Variants in FGF14 observed in about 807,000 individuals in gnomAD.
FGF14 encodes the protein fibroblast growth factor homologous factor 4.
In FGF14, 5 loss-of-function variants were observed where a neutral mutation model predicts 25.5. The ratio of observed to expected loss-of-function variants is 0.20; its 90% CI spans 0.10 to 0.41. FGF14 has a LOEUF of 0.41. Among genes scored for constraint, FGF14 ranks in the 10% least tolerant of loss-of-function variants. The pLI is 1.00. For synonymous variants in FGF14, 138 were observed against 118.3 expected, an observed-to-expected ratio of 1.17 and a Z score of -1.08; for missense variants, 222 against 320.1, an observed-to-expected ratio of 0.69 and a Z score of 2.34.
chr13:102,388,751 C>T (rs746112502), intron 1 of FGF14, among the ~76,000 whole-genome samples: 15 of 152,190 alleles, frequency 9.9e-5, no homozygotes, highest in Non-Finnish European at 1.9e-4. Flanking sequence ...CCTCCTTCCT[C>T]CTAGTACTGC....
chr13:102,045,670 A>G (rs974189946), intron 1 of FGF14, among the ~76,000 whole-genome samples: 11 of 152,196 alleles, frequency 7.2e-5, no homozygotes, highest in African/African-American at 2.7e-4. Flanking sequence ...GTTCATAATC[A>G]TATTTGATCC....
intron 1 of FGF14, among the ~76,000 whole-genome samples, chr13:101,922,353 CA>C (rs895286609): frequency 6.6e-6 from 1 of 152,148 alleles, no homozygotes; most frequent in African/African-American, 2.4e-5. Flanking sequence ...CTCAACCAAA[CA>C]TGACAAACAG....
intron 3 of FGF14, among the ~76,000 whole-genome samples, chr13:101,741,329 C>T (rs1022093570): frequency 5.3e-5 from 8 of 152,118 alleles, no homozygotes; most frequent in Non-Finnish European, 1.0e-4. Context: ...GGGCAAGACT[C>T]CATCTCAGAA....
intron 1 of FGF14, among the ~76,000 whole-genome samples, chr13:102,333,237 G>A (rs1372033336): frequency 2.0e-5 from 3 of 152,102 alleles, no homozygotes; most frequent in African/African-American, 7.2e-5. Flanking sequence ...ACCCAACGTG[G>A]CTCTCACATA....
chr13:102,152,231 G>T (rs1173327575), intron 1 of FGF14, among the ~76,000 whole-genome samples: 1 of 152,112 alleles, frequency 6.6e-6, no homozygotes, highest in Non-Finnish European at 1.5e-5. Context: ...TTTAAGACTT[G>T]GTAAAGCTCC....
At chr13:101,805,178 G>A (rs1475076538) in intron 3 of FGF14, among the ~76,000 whole-genome samples, 1 of 152,134 alleles carries the variant, frequency 6.6e-6, no homozygotes, top group Non-Finnish European at 1.5e-5. Flanking sequence ...TTTGAAGCCT[G>A]ATAGGGTTGA....
chr13:102,276,098 A>G (rs1391601678), intron 1 of FGF14, among the ~76,000 whole-genome samples: 1 of 151,836 alleles, frequency 6.6e-6, no homozygotes, highest in African/African-American at 2.4e-5. Context: ...AAATGTTTTC[A>G]GCAAATTGTT....
upstream of FGF14, among the ~76,000 whole-genome samples, chr13:101,921,935 A>G (rs1396642117): frequency 2.0e-5 from 3 of 152,198 alleles, no homozygotes; most frequent in African/African-American, 7.2e-5. Flanking sequence ...ATGGTTCTAC[A>G]TAGCACGTAC....
chr13:101,816,150 G>A (rs964032174), intron 3 of FGF14, among the ~76,000 whole-genome samples: 1 of 151,104 alleles, frequency 6.6e-6, no homozygotes, highest in African/African-American at 2.4e-5. Flanking sequence ...GGCGCCTGTA[G>A]TCCCAGCTAC....
chr13:102,316,152 C>A lies in FGF14; in HGVS notation c.208+85319G>T, dbSNP rs369116572. Among the ~76,000 whole-genome samples, 253 of 152,306 alleles carry A rather than the reference C, an allele frequency of 1.7e-3. 2 individuals carry two copies. Among genetic ancestry groups the A allele is most frequent in the African/African-American group, 5.6e-3 (233 of 41,560 alleles). ...CAGACTGCAAAATAACAGAAATTAA[C>A]AGAAGGATAAGCTTTGTGACTGGAG... is the stretch of plus-strand genomic sequence containing the variant. On this transcript the variant is annotated intron_variant, in intron 1 of 4. Coordinates refer to the FGF14 transcript ENST00000376131.
intron 1 of FGF14, among the ~76,000 whole-genome samples, chr13:102,340,547 A>G (rs1566947926): frequency 6.6e-6 from 1 of 152,108 alleles, no homozygotes; most frequent in Non-Finnish European, 1.5e-5. Flanking sequence ...ACATCCCAAA[A>G]TATCTTTTAC....
At chr13:102,123,043 G>T (rs557415473) in intron 1 of FGF14, among the ~76,000 whole-genome samples, 36 of 152,274 alleles carry the variant, frequency 2.4e-4, no homozygotes, top group Admixed American at 1.1e-3. Flanking sequence ...TTGATTTTAA[G>T]ATGGGCAGCA....
chr13:102,388,196 A>T (rs1395918040), intron 1 of FGF14, among the ~76,000 whole-genome samples: 2 of 152,194 alleles, frequency 1.3e-5, no homozygotes, highest in African/African-American at 2.4e-5. Flanking sequence ...AATACTACAA[A>T]GTTGTTCAGT....
At chr13:102,249,261 C>T (rs901264520) in intron 1 of FGF14, among the ~76,000 whole-genome samples, 30 of 152,046 alleles carry the variant, frequency 2.0e-4, no homozygotes, top group African/African-American at 7.0e-4. Context: ...AGGAGACACA[C>T]GGAGCAAGAA....
chr13:101,957,966 G>A (rs2036610205), intron 1 of FGF14, among the ~76,000 whole-genome samples: 1 of 152,026 alleles, frequency 6.6e-6, no homozygotes, highest in Non-Finnish European at 1.5e-5. Flanking sequence ...CTAAAATAGA[G>A]TAAATAAATA....
At chr13:102,238,841 T>G (rs2051450047) in intron 1 of FGF14, among the ~76,000 whole-genome samples, 1 of 152,218 alleles carries the variant, frequency 6.6e-6, no homozygotes, top group East Asian at 1.9e-4. Context: ...TCTTGCTCAT[T>G]TATGTGACTT....
chr13:101,930,620 A>G (rs2034689393), intron 1 of FGF14, among the ~76,000 whole-genome samples: 1 of 152,198 alleles, frequency 6.6e-6, no homozygotes, highest in African/African-American at 2.4e-5. Flanking sequence ...GAACAGTTTA[A>G]TTTCATTTTC....
chr13:102,157,065 G>T (rs945116264), intron 1 of FGF14, among the ~76,000 whole-genome samples: 1 of 152,102 alleles, frequency 6.6e-6, no homozygotes, highest in African/African-American at 2.4e-5. Context: ...TCAATATGAC[G>T]AAAATGGCCA....
chr13:102,125,308 A>G (rs1291619418), intron 1 of FGF14, among the ~76,000 whole-genome samples: 1 of 152,204 alleles, frequency 6.6e-6, no homozygotes, highest in Non-Finnish European at 1.5e-5. Flanking sequence ...ATGCATTTAT[A>G]TTATTTAAAA....
Sources: allele counts gnomAD v4.1 joint callset (sites outside exome capture counted in the v4.1 genomes callset), GRCh38; gene constraint gnomAD v4.1.1; transcripts MANE v1.5; gene names NCBI Gene and HGNC (gene_info 2026-07-23, HGNC 2026-07-21).